The following RORA variants were observed in gnomAD, a reference collection of about 807,000 sequenced individuals.
RORA encodes the protein RAR related orphan receptor A.
RORA carries 7 observed loss-of-function variants against 69.5 expected under a neutral mutation model. The ratio of observed to expected loss-of-function variants is 0.10; its 90% CI spans 0.06 to 0.19. The LOEUF (loss-of-function observed/expected upper bound fraction) is 0.19, where lower values mean the gene tolerates loss of function less well. RORA is among the 10% of genes least tolerant of loss of function. The probability of loss-of-function intolerance (pLI) is 1.00; values close to 1 mark genes in which losing one functional copy is unlikely to be tolerated. For synonymous variants in RORA, 261 were observed against 240.8 expected (o/e 1.08, Z -0.78); for missense variants, 457 against 663.0 (o/e 0.69, Z 3.41).
At chr15:60,831,261 A>T (rs2073038279) in intron 1 of RORA, among the ~76,000 whole-genome samples, 2 of 152,138 alleles carry the variant, frequency 1.3e-5, no homozygotes, top group South Asian at 4.2e-4. Flanking sequence ...ACTTCTAATG[A>T]GGGGAGGTTA....
chr15:61,083,130 G>A (rs2078569861), intron 1 of RORA, among the ~76,000 whole-genome samples: 1 of 152,176 alleles, frequency 6.6e-6, no homozygotes, highest in African/African-American at 2.4e-5. Flanking sequence ...GACAAGGGCT[G>A]CGCCTGACTG....
chr15:60,553,554 G>A (rs1044227953), intron 2 of RORA, among the ~76,000 whole-genome samples: 5 of 152,178 alleles, frequency 3.3e-5, no homozygotes, highest in Non-Finnish European at 5.9e-5. Context: ...GAGAAGATCA[G>A]AATATGCCAC....
intron 1 of RORA, among the ~76,000 whole-genome samples, chr15:60,737,586 T>C (rs2071519143): frequency 6.6e-6 from 1 of 152,236 alleles, no homozygotes; most frequent in Non-Finnish European, 1.5e-5. Flanking sequence ...ATTCTGATGC[T>C]CACTCGTTTC....
At chr15:60,558,456 A>C in intron 2 of RORA, 1 of 548,670 alleles carries the variant, frequency 1.8e-6, no homozygotes, top group Non-Finnish European at 3.2e-6. Context: ...AATTCAGATC[A>C]TTAATGTCTG....
chr15:60,712,586 G>A (rs903831056), intron 1 of RORA, among the ~76,000 whole-genome samples: 22 of 152,170 alleles, frequency 1.4e-4, no homozygotes, highest in African/African-American at 5.3e-4. Context: ...AGTCATCTGC[G>A]ATAGGACCCA....
chr15:61,162,757 C>G (rs1000441165), intron 1 of RORA, among the ~76,000 whole-genome samples: 1 of 152,148 alleles, frequency 6.6e-6, no homozygotes, highest in Admixed American at 6.5e-5. Flanking sequence ...AACACACAAT[C>G]CAATCCTCCT....
rs201460001 is a variant in RORA, at chr15:60,923,474, G to A, written c.167-244788C>T. On this transcript the variant is annotated intron_variant, in intron 1 of 10. Coordinates refer to ENST00000335670, the MANE Select transcript of RORA (RefSeq NM_134261.3). Reference sequence around the variant, plus strand: ...AGAGGCTGTGACGAAAGCACTGGACGGGAAGCTGGAGACCTGAGGTCATCT... The same window carrying A: ...AGAGGCTGTGACGAAAGCACTGGACAGGAAGCTGGAGACCTGAGGTCATCT... Among the ~76,000 whole-genome samples the A allele has an allele frequency of 7.9e-5, 12 of 152,274 alleles. No homozygotes were observed. The East Asian group carries it at 2.1e-3, about 27-fold the overall frequency.
intron 1 of RORA, among the ~76,000 whole-genome samples, chr15:60,740,556 A>G (rs1382634402): frequency 6.6e-6 from 1 of 152,210 alleles, no homozygotes; most frequent in African/African-American, 2.4e-5. Flanking sequence ...GGTAAATAAC[A>G]GTAATTCCTT....
chr15:61,185,884 C>A (rs1397421940), intron 1 of RORA, among the ~76,000 whole-genome samples: 2 of 152,166 alleles, frequency 1.3e-5, no homozygotes, highest in East Asian at 3.9e-4. Context: ...CAGACCGAGA[C>A]CTGCATTGCT....
At chr15:61,110,364 C>T (rs941629086) in intron 1 of RORA, among the ~76,000 whole-genome samples, 2 of 150,444 alleles carry the variant, frequency 1.3e-5, no homozygotes, top group Non-Finnish European at 1.5e-5. Context: ...CTCTATACTC[C>T]AGCCTGGCAA....
At chr15:60,570,058 G>A (rs1014353080) in intron 2 of RORA, among the ~76,000 whole-genome samples, 1 of 152,122 alleles carries the variant, frequency 6.6e-6, no homozygotes, top group Non-Finnish European at 1.5e-5. Context: ...GAGATCCTTC[G>A]ACAGAAGGGA....
At chr15:60,505,711 A>G in intron 5 of RORA, 82 bp from the exon 6 acceptor site, 2 of 1,495,884 alleles carry the variant, frequency 1.3e-6, no homozygotes, top group Non-Finnish European at 1.8e-6. Flanking sequence ...TTTAAGAAAT[A>G]ACAAGTAGAA....
intron 2 of RORA, among the ~76,000 whole-genome samples, chr15:60,639,461 G>A (rs1054487825): frequency 1.3e-5 from 2 of 152,200 alleles, no homozygotes; most frequent in African/African-American, 2.4e-5. Context: ...TCAAGTCTCT[G>A]CTCTACAGTG....
At chr15:60,750,061 T>A (rs148667295) in intron 1 of RORA, among the ~76,000 whole-genome samples, 5 of 152,332 alleles carry the variant, frequency 3.3e-5, no homozygotes, top group African/African-American at 1.2e-4. Context: ...AATCAAAACC[T>A]TTCTATGTGC....
intron 1 of RORA, among the ~76,000 whole-genome samples, chr15:60,921,470 T>C (rs1595817907): frequency 6.6e-6 from 1 of 152,186 alleles, no homozygotes; most frequent in African/African-American, 2.4e-5. Context: ...GTTCAAAATA[T>C]ATGCAAAAGT....
intron 1 of RORA, among the ~76,000 whole-genome samples, chr15:60,929,794 T>C (rs975799816): frequency 6.6e-6 from 1 of 152,184 alleles, no homozygotes; most frequent in African/African-American, 2.4e-5. Flanking sequence ...GAGTGCTTGC[T>C]AAAATACTGA....
chr15:60,824,039 A>G (rs1486944132), intron 1 of RORA, among the ~76,000 whole-genome samples: 2 of 152,214 alleles, frequency 1.3e-5, no homozygotes, highest in African/African-American at 4.8e-5. Context: ...ACATAAGTTA[A>G]TAAGTAGTGA....
chr15:60,586,780 T>G (rs1269731406), intron 2 of RORA, among the ~76,000 whole-genome samples: 4 of 152,100 alleles, frequency 2.6e-5, no homozygotes. Context: ...ACTTTAAAGG[T>G]TTCGTCTGAG....
At chr15:60,535,666 C>T (rs1037913013) in intron 2 of RORA, among the ~76,000 whole-genome samples, 11 of 151,948 alleles carry the variant, frequency 7.2e-5, no homozygotes, top group African/African-American at 2.4e-4. Flanking sequence ...TAACATGGTC[C>T]AGAGAACAAT....
Sources: allele counts gnomAD v4.1 joint callset (sites outside exome capture counted in the v4.1 genomes callset), GRCh38; gene constraint gnomAD v4.1.1; transcripts MANE v1.5; gene names NCBI Gene and HGNC (gene_info 2026-07-23, HGNC 2026-07-21).